The following CADM2 variants were observed in gnomAD, a reference collection of about 807,000 sequenced individuals.
CADM2 encodes cell adhesion molecule 2, also known as immunoglobulin superfamily member 4D.
Under a neutral mutation model 49.8 loss-of-function variants are expected in CADM2, and 12 were observed. That is an observed-to-expected ratio of 0.24 (90% CI 0.15 to 0.39). The LOEUF is 0.39. CADM2 is among the 10% of genes least tolerant of loss of function. The pLI, the probability that CADM2 is intolerant of heterozygous loss-of-function variation, is 1.00. For synonymous variants in CADM2, 214 were observed against 175.4 expected (o/e 1.22, Z -1.74); for missense variants, 378 against 492.3 (o/e 0.77, Z 2.20).
At chr3:85,077,761 A>C (rs2037003553) in intron 1 of CADM2, among the ~76,000 whole-genome samples, 1 of 152,074 alleles carries the variant, frequency 6.6e-6, no homozygotes, top group Admixed American at 6.6e-5. Flanking sequence ...TATAAAGAAA[A>C]GTTTTTTGTC....
chr3:85,723,570 G>C (rs2067584318), intron 1 of CADM2, among the ~76,000 whole-genome samples: 1 of 152,056 alleles, frequency 6.6e-6, no homozygotes, highest in African/African-American at 2.4e-5. Context: ...ACCTAGTCTA[G>C]TATTAGCTGC....
intron 1 of CADM2, among the ~76,000 whole-genome samples, chr3:85,143,062 T>G (rs551268118): frequency 6.6e-6 from 1 of 152,296 alleles, no homozygotes; most frequent in East Asian, 1.9e-4. Flanking sequence ...AATTATTAAT[T>G]AATGGTAAGC....
chr3:85,230,521 T>A (rs1225364203), intron 1 of CADM2, among the ~76,000 whole-genome samples: 1 of 152,206 alleles, frequency 6.6e-6, no homozygotes, highest in Non-Finnish European at 1.5e-5. Flanking sequence ...TGTGAAATTG[T>A]TAATTCGTTC....
chr3:85,469,648 C>G (rs1254545468), intron 1 of CADM2, among the ~76,000 whole-genome samples: 1 of 152,104 alleles, frequency 6.6e-6, no homozygotes, highest in Non-Finnish European at 1.5e-5. Context: ...GGATGTGATT[C>G]AGGGCAGAGC....
intron 1 of CADM2, among the ~76,000 whole-genome samples, chr3:85,369,632 G>A (rs2033051113): frequency 6.6e-6 from 1 of 152,188 alleles, no homozygotes; most frequent in Admixed American, 6.5e-5. Context: ...AACTGTGTAT[G>A]TAAAAACTTA....
At chr3:85,549,523 C>T (rs2061747821) in intron 1 of CADM2, among the ~76,000 whole-genome samples, 1 of 151,948 alleles carries the variant, frequency 6.6e-6, no homozygotes, top group African/African-American at 2.4e-5. Context: ...AGTAGATGAA[C>T]ATAAAGGAAT....
chr3:85,544,837 AAAAGG>A lies in CADM2; in HGVS notation c.62-181683_62-181679del, dbSNP rs2061630069. 7.1e-5 allele frequency among the ~76,000 whole-genome samples: 3 copies of A among 42,284 alleles called. No individual in the cohort carries two copies. The East Asian group carries it at 0.023, about 330-fold the overall frequency. The allele number at this position is 42,284 out of a possible 152,430, so 27.7% of individuals were successfully genotyped here. A position where few individuals can be genotyped will look rare whatever the true frequency, so the allele number is the denominator to read the frequency against. On this transcript the variant is annotated intron_variant, in intron 1 of 9. Coordinates refer to ENST00000383699, the MANE Select transcript of CADM2 (RefSeq NM_001167675.2). ...ACATGTGTTCAAAAAAAAAGAAAAG[AAAAGG>A]AGAAAAAGGGAGGATAGGAAGGAAG...
chr3:85,852,979 T>TTAGATAAA (rs879668330), intron 3 of CADM2, among the ~76,000 whole-genome samples: 11 of 152,106 alleles, frequency 7.2e-5, no homozygotes, highest in Non-Finnish European at 1.0e-4. Context: ...AGATAAAATG[T>TTAGATAAA]ATGTTTAAAT....
chr3:85,904,255 AT>A (rs1424747143), intron 5 of CADM2, among the ~76,000 whole-genome samples: 1 of 152,134 alleles, frequency 6.6e-6, no homozygotes, highest in African/African-American at 2.4e-5. Flanking sequence ...AGTGAGAGCT[AT>A]TGGGGTCCCT....
intron 1 of CADM2, among the ~76,000 whole-genome samples, chr3:84,969,460 C>T (rs985086764): frequency 6.6e-6 from 1 of 150,806 alleles, no homozygotes; most frequent in South Asian, 2.1e-4. Context: ...TATAAAACTT[C>T]GTATATTATT....
intron 1 of CADM2, among the ~76,000 whole-genome samples, chr3:85,269,870 G>A (rs2043199723): frequency 6.6e-6 from 1 of 150,908 alleles, no homozygotes; most frequent in Non-Finnish European, 1.5e-5. Context: ...CTTTGTTGTT[G>A]TCACTTTTAG....
intron 8 of CADM2, among the ~76,000 whole-genome samples, chr3:86,058,807 T>C (rs1738287444): frequency 6.6e-6 from 1 of 152,004 alleles, no homozygotes; most frequent in African/African-American, 2.4e-5. Flanking sequence ...AAAAAAATTT[T>C]ACATGGTCAG....
intron 1 of CADM2, among the ~76,000 whole-genome samples, chr3:85,530,891 CACACACACACACACACACACACAA>C (rs1457665742): frequency 3.3e-5 from 5 of 149,816 alleles, no homozygotes; most frequent in African/African-American, 1.0e-4. Context: ...CACACACACA[CACACACACACACACACACACACAA>C]AATTCATTAT....
At chr3:85,226,665 G>A (rs2107803223) in intron 1 of CADM2, among the ~76,000 whole-genome samples, 1 of 151,450 alleles carries the variant, frequency 6.6e-6, no homozygotes, top group East Asian at 1.9e-4. Flanking sequence ...CTTGCCTTCT[G>A]CTAGCTTTTG....
intron 1 of CADM2, among the ~76,000 whole-genome samples, chr3:85,364,381 A>C (rs1338477345): frequency 6.6e-6 from 1 of 152,164 alleles, no homozygotes; most frequent in East Asian, 1.9e-4. Flanking sequence ...GTTATATTTG[A>C]AGGTGAAAGT....
At chr3:85,534,168 C>T (rs911966819) in intron 1 of CADM2, among the ~76,000 whole-genome samples, 6 of 151,964 alleles carry the variant, frequency 3.9e-5, no homozygotes, top group East Asian at 1.9e-4. Flanking sequence ...TTGAAATTTG[C>T]GATGTCTGAT....
In CADM2 at chr3:85,591,760, A is replaced by G. The variant is rs558942673; in HGVS notation, c.62-134762A>G. Among the ~76,000 whole-genome samples the G allele has an allele frequency of 2.0e-5, 3 of 152,150 alleles. No homozygotes were observed. The East Asian group carries it at 5.8e-4, about 30-fold the overall frequency. ...GCCCCTTCAGATGTGTACCATCTGC[A>G]TGGGAGTGAGTCACAGCAAAAGATC... On this transcript the variant is annotated intron_variant, in intron 1 of 9. Coordinates refer to ENST00000383699, the MANE Select transcript of CADM2 (RefSeq NM_001167675.2).
intron 1 of CADM2, among the ~76,000 whole-genome samples, chr3:85,047,085 T>C (rs1336407994): frequency 3.9e-5 from 6 of 152,172 alleles, no homozygotes; most frequent in Admixed American, 3.9e-4. Flanking sequence ...TTGAAAAAGA[T>C]TTTGCAAGAT....
At chr3:85,212,812 CTCTT>C (rs61255712) in intron 1 of CADM2, among the ~76,000 whole-genome samples, 6,089 of 102,508 alleles carry the variant, frequency 0.059, 189 homozygotes, top group East Asian at 0.093. Context: ...TCTTTTTCTT[CTCTT>C]TCTTTCTTTC....
Sources: allele counts gnomAD v4.1 joint callset (sites outside exome capture counted in the v4.1 genomes callset), GRCh38; gene constraint gnomAD v4.1.1; transcripts MANE v1.5; gene names NCBI Gene and HGNC (gene_info 2026-07-23, HGNC 2026-07-21).